ANTXR1: variants seen among roughly 807,000 people sequenced by gnomAD.
ANTXR1 encodes the protein anthrax toxin receptor 1.
Under a neutral mutation model 78.1 loss-of-function variants are expected in ANTXR1, and 19 were observed. The ratio of observed to expected loss-of-function variants is 0.24; its 90% confidence interval spans 0.17 to 0.36. The LOEUF is 0.36. Among genes scored for constraint, ANTXR1 ranks in the 10% least tolerant of loss-of-function variants. The probability of loss-of-function intolerance (pLI) is 1.00; values close to 1 mark genes in which losing one functional copy is unlikely to be tolerated. For synonymous variants in ANTXR1, 273 were observed against 260.5 expected (o/e 1.05, Z -0.46); for missense variants, 518 against 718.6 (o/e 0.72, Z 3.19).
At chr2:69,209,703 C>T (rs566502988) in intron 17 of ANTXR1, among the ~76,000 whole-genome samples, 14 of 152,186 alleles carry the variant, frequency 9.2e-5, no homozygotes, top group Non-Finnish European at 1.9e-4. Context: ...CAGCAGCAGG[C>T]ACAAGGCCTG....
chr2:69,064,758 G>A lies in ANTXR1; in HGVS notation c.297-5889G>A, dbSNP rs181340035. Among the ~76,000 whole-genome samples, 8 of 152,276 alleles carry A rather than the reference G, an allele frequency of 5.3e-5. No individual in the cohort carries two copies. In the East Asian group the frequency reaches 7.7e-4, roughly 15 times the overall value. On this transcript the variant is annotated intron_variant, in intron 3 of 17. Coordinates refer to ENST00000303714, the MANE Select transcript of ANTXR1 (RefSeq NM_032208.3). The stretch of plus-strand genomic sequence containing the variant: ...TATTTACTAGAGATAAAAAGTTATC[G>A]AAGAAAGTCTGTGTGTCAAAGACAA...
At position 69,036,805 on chromosome 2, in the gene ANTXR1, C is replaced by T. The variant is rs149918643; in HGVS notation, c.153-3239C>T. Among the ~76,000 whole-genome samples, 1,328 of 152,226 alleles carry T rather than the reference C, an allele frequency of 8.7e-3. 42 individuals are homozygous for T. The highest frequency in any genetic ancestry group is 0.072 in the Admixed American group (1,100 of 15,286). On this transcript the variant is annotated intron_variant, in intron 1 of 17. Transcript: ENST00000303714. The stretch of plus-strand genomic sequence containing the variant: ...GTCATGTGGCATATCTTCTGAGGCA[C>T]CTGGAGAGCATTGGGCCATCTCTGC...
In ANTXR1 at chr2:69,170,299, C is replaced by T. The variant is rs1029661347; in HGVS notation, c.1089+10C>T. 3.1e-6 allele frequency: 5 copies of T among 1,613,864 alleles called. No homozygotes were observed. Among genetic ancestry groups the T allele is most frequent in the Non-Finnish European group, 4.2e-6 (5 of 1,180,010 alleles). ...TGCCGAGGAGAGTGAGGTAAGTGACCACAGCAGGATGGCAGTGGGTGGGCA... is the reference window on the plus strand; with the variant it reads ...TGCCGAGGAGAGTGAGGTAAGTGACTACAGCAGGATGGCAGTGGGTGGGCA... On this transcript the variant is annotated intron_variant, in intron 14 of 17. Coordinates refer to ENST00000303714, the MANE Select transcript of ANTXR1 (RefSeq NM_032208.3).
At position 69,124,658 on chromosome 2, in the gene ANTXR1, T is replaced by C. The variant is rs1422656817; in HGVS notation, c.951+15T>C. The C allele has an allele frequency of 2.7e-5, 44 of 1,612,002 alleles. No homozygotes were observed. Among genetic ancestry groups the C allele is most frequent in the Non-Finnish European group, 3.3e-5 (39 of 1,178,032 alleles). ...CCACACACTGTGTAAGTCATAACCTTTCCCTTTACTAAAGATCTCATTATC... is the reference window on the plus strand; with the variant it reads ...CCACACACTGTGTAAGTCATAACCTCTCCCTTTACTAAAGATCTCATTATC... On this transcript the variant is annotated intron_variant, in intron 12 of 17. Coordinates refer to ENST00000303714, the MANE Select transcript of ANTXR1 (RefSeq NM_032208.3).
intron 17 of ANTXR1, among the ~76,000 whole-genome samples, chr2:69,234,804 T>C (rs1675712387): frequency 6.6e-6 from 1 of 152,000 alleles, no homozygotes; most frequent in Admixed American, 6.6e-5. Flanking sequence ...ATCCTTACAA[T>C]AATCTCATGA....
At chr2:69,125,204 A>G (rs781690041) in intron 12 of ANTXR1, among the ~76,000 whole-genome samples, 9 of 152,182 alleles carry the variant, frequency 5.9e-5, no homozygotes, top group Non-Finnish European at 1.2e-4. Flanking sequence ...GAGCCCTTAC[A>G]ATAGGGATTG....
intron 1 of ANTXR1, among the ~76,000 whole-genome samples, chr2:69,033,761 C>G (rs1474911352): frequency 6.6e-6 from 1 of 152,212 alleles, no homozygotes; most frequent in African/African-American, 2.4e-5. Flanking sequence ...GATTAAAAGA[C>G]TCCTTGGTGA....
rs368006401 is a variant in ANTXR1, at chr2:69,065,507, C to G, written c.297-5140C>G. ...AATATCAGGAAAGGGAATATTACTA[C>G]AGATCCTACAAATGTTAAAATATAA... On this transcript the variant is annotated intron_variant, in intron 3 of 17. Transcript: ENST00000303714. Among the ~76,000 whole-genome samples the G allele has an allele frequency of 2.0e-3, 304 of 149,782 alleles. 1 individual carries two copies. The highest frequency in any genetic ancestry group is 7.1e-3 in the African/African-American group (287 of 40,454).
At chr2:69,184,735 C>A (rs1354140382) in intron 16 of ANTXR1, among the ~76,000 whole-genome samples, 1 of 152,176 alleles carries the variant, frequency 6.6e-6, no homozygotes, top group African/African-American at 2.4e-5. Context: ...TCCCAACACC[C>A]ACTTGGAATT....
intron 1 of ANTXR1, among the ~76,000 whole-genome samples, chr2:69,015,272 CA>C (rs10536364): frequency 0.05 from 4,593 of 91,714 alleles, 94 homozygotes; most frequent in African/African-American, 0.098. Context: ...CTTATCTTAG[CA>C]AAAAAAAAAA....
At chr2:69,210,914 C>T (rs1351946240) in intron 17 of ANTXR1, among the ~76,000 whole-genome samples, 4 of 131,316 alleles carry the variant, frequency 3.0e-5, no homozygotes, top group Admixed American at 9.1e-5. Flanking sequence ...CCAGCCTGGG[C>T]GACAGAGTGA....
At chr2:69,055,094 A>AGTTGTTGTTACTATTGAG (rs903527353) in intron 3 of ANTXR1, among the ~76,000 whole-genome samples, 1 of 152,118 alleles carries the variant, frequency 6.6e-6, no homozygotes, top group African/African-American at 2.4e-5. Context: ...AATTAACCTT[A>AGTTGTTGTTACTATTGAG]GTTGTTGTTA....
Position 69,245,216 on chromosome 2 carries a change from C to A in ANTXR1, c.1435-9C>A, listed in dbSNP as rs767372118. ...CGCTCACGTTTCCTTCTCTCCAATT[C>A]TTTTCTAGGGGCGCTGCATCAACTT... On this transcript the variant is annotated splice_polypyrimidine_tract_variant and intron_variant, in intron 17 of 17. Coordinates refer to ENST00000303714, the MANE Select transcript of ANTXR1 (RefSeq NM_032208.3). 1 of 1,614,072 alleles carries A rather than the reference C, an allele frequency of 6.2e-7. No homozygotes were observed. Among genetic ancestry groups the A allele is most frequent in the South Asian group, 1.1e-5 (1 of 91,072 alleles).
intron 3 of ANTXR1, among the ~76,000 whole-genome samples, chr2:69,068,260 AGAACT>A (rs1440838129): frequency 6.6e-6 from 1 of 152,266 alleles, no homozygotes; most frequent in Non-Finnish European, 1.5e-5. Context: ...TTTAAAGTCT[AGAACT>A]GAAACAAACA....
chr2:69,155,666 G>T (rs1005766779), intron 13 of ANTXR1, among the ~76,000 whole-genome samples: 1 of 152,146 alleles, frequency 6.6e-6, no homozygotes, highest in Non-Finnish European at 1.5e-5. Context: ...GTGTAGGGGG[G>T]AAAGTCATCA....
At chr2:69,022,490 T>C (rs1408469931) in intron 1 of ANTXR1, among the ~76,000 whole-genome samples, 3 of 152,212 alleles carry the variant, frequency 2.0e-5, no homozygotes, top group Non-Finnish European at 4.4e-5. Context: ...TTGATGTTGA[T>C]TCCTAGCATC....
chr2:69,107,459 C>G (rs1264572064), intron 10 of ANTXR1, among the ~76,000 whole-genome samples: 1 of 152,060 alleles, frequency 6.6e-6, no homozygotes, highest in Non-Finnish European at 1.5e-5. Flanking sequence ...AGGCTGGTCT[C>G]GAACTCCTGG....
chr2:69,085,921 C>T (rs1234892515), intron 8 of ANTXR1, among the ~76,000 whole-genome samples: 3 of 152,162 alleles, frequency 2.0e-5, no homozygotes, highest in East Asian at 3.8e-4. Context: ...TGTAAATGGT[C>T]GGTAGATACT....
chr2:69,084,117 G>A (rs1387354618), intron 8 of ANTXR1, among the ~76,000 whole-genome samples: 3 of 152,172 alleles, frequency 2.0e-5, no homozygotes, highest in African/African-American at 7.2e-5. Context: ...TGAGGAATCT[G>A]CTGAGACCCA....
Sources: gnomAD v4.1 joint callset for allele counts (sites outside exome capture counted in the v4.1 genomes callset) on GRCh38, gnomAD v4.1.1 for gene constraint, MANE v1.5 for transcripts, NCBI Gene and HGNC (gene_info 2026-07-23, HGNC 2026-07-21) for gene names.